The following TNFSF4 variants were observed in gnomAD, a reference collection of about 807,000 sequenced individuals.
TNFSF4 encodes tumor necrosis factor ligand superfamily member 4.
A neutral mutation model predicts 7.3 loss-of-function variants in TNFSF4; 4 were observed. That is an observed-to-expected ratio of 0.55 (90% confidence interval 0.27 to 1.25). The LOEUF (loss-of-function observed/expected upper bound fraction) is 1.25, where lower values mean the gene tolerates loss of function less well. Ranked by LOEUF, TNFSF4 falls within the 50% of genes most tolerant of loss-of-function variation. TNFSF4 has a pLI of 0.12. For missense variants in TNFSF4, 181 were observed against 208.8 expected, an observed-to-expected ratio of 0.87 and a Z score of 0.82; for synonymous variants, 76 against 83.7, an observed-to-expected ratio of 0.91 and a Z score of 0.50.
At chr1:173,324,809 A>G in the TNFSF4 span, among the ~76,000 whole-genome samples, 12 of 152,194 alleles carry the variant, frequency 7.9e-5, no homozygotes, top group East Asian at 1.9e-4. Flanking sequence ...AACAAGAAGA[A>G]CTAACTATCC....
the TNFSF4 span, among the ~76,000 whole-genome samples, chr1:173,403,911 A>C: frequency 6.6e-6 from 1 of 152,214 alleles, no homozygotes; most frequent in Non-Finnish European, 1.5e-5. Flanking sequence ...CAAAAAAAAA[A>C]AAAAGAGAGT....
chr1:173,266,638 A>G, the TNFSF4 span, among the ~76,000 whole-genome samples: 3 of 152,168 alleles, frequency 2.0e-5, no homozygotes. Context: ...TCTGGCATTC[A>G]CATGATTAGT....
At chr1:173,443,024 C>G in the TNFSF4 span, among the ~76,000 whole-genome samples, 2 of 152,140 alleles carry the variant, frequency 1.3e-5, no homozygotes, top group African/African-American at 2.4e-5. Flanking sequence ...ATATGTAAGT[C>G]TAACAGATCC....
the TNFSF4 span, among the ~76,000 whole-genome samples, chr1:173,328,522 A>G: frequency 6.6e-6 from 1 of 151,726 alleles, no homozygotes; most frequent in African/African-American, 2.4e-5. Context: ...AAATAAAAAA[A>G]TACAAAGTTT....
At chr1:173,264,845 C>A in the TNFSF4 span, among the ~76,000 whole-genome samples, 1 of 152,114 alleles carries the variant, frequency 6.6e-6, no homozygotes, top group East Asian at 1.9e-4. Context: ...AAGTGACTCT[C>A]CCTCAGGGAC....
At chr1:173,426,739 C>T in the TNFSF4 span, among the ~76,000 whole-genome samples, 2 of 152,140 alleles carry the variant, frequency 1.3e-5, no homozygotes, top group Non-Finnish European at 1.5e-5. Context: ...ACTACAGGTA[C>T]GCACCACCAC....
At chr1:173,333,766 T>A in the TNFSF4 span, among the ~76,000 whole-genome samples, 17 of 152,092 alleles carry the variant, frequency 1.1e-4, no homozygotes, top group African/African-American at 4.1e-4. Flanking sequence ...AACCACACAG[T>A]CTATGGTATT....
chr1:173,339,733 T>A, the TNFSF4 span, among the ~76,000 whole-genome samples: 1 of 152,176 alleles, frequency 6.6e-6, no homozygotes, highest in Admixed American at 6.6e-5. Context: ...CTGCTTTTCC[T>A]GGGAAATGGT....
chr1:173,372,023 T>C, the TNFSF4 span, among the ~76,000 whole-genome samples: 1 of 152,212 alleles, frequency 6.6e-6, no homozygotes, highest in African/African-American at 2.4e-5. Flanking sequence ...TGGCTACCAG[T>C]TCAGAAGCCT....
At chr1:173,378,620 T>A in the TNFSF4 span, among the ~76,000 whole-genome samples, 1 of 152,140 alleles carries the variant, frequency 6.6e-6, no homozygotes. Flanking sequence ...TACAATACTA[T>A]CCTGCAGCTT....
chr1:173,407,218 G>A, the TNFSF4 span, among the ~76,000 whole-genome samples: 2 of 152,000 alleles, frequency 1.3e-5, no homozygotes, highest in Non-Finnish European at 2.9e-5. Context: ...AGCACAGTCC[G>A]TGTGGAGTGT....
At chr1:173,296,790 A>G in the TNFSF4 span, among the ~76,000 whole-genome samples, 1 of 151,948 alleles carries the variant, frequency 6.6e-6, no homozygotes, top group South Asian at 2.1e-4. Context: ...CTTCCCCTAT[A>G]GCAGAAGATT....
the TNFSF4 span, chr1:173,418,031 T>G: frequency 1.3e-5 from 2 of 152,036 alleles, no homozygotes; most frequent in East Asian, 3.9e-4. Flanking sequence ...GCCCCTCTTC[T>G]GAGCTCCCAG....
the TNFSF4 span, among the ~76,000 whole-genome samples, chr1:173,256,536 A>G: frequency 1.3e-5 from 2 of 152,300 alleles, no homozygotes; most frequent in Non-Finnish European, 2.9e-5. Context: ...TAGGGCTTCA[A>G]CACATGAATT....
the TNFSF4 span, among the ~76,000 whole-genome samples, chr1:173,248,608 G>A: frequency 1.3e-5 from 2 of 152,284 alleles, no homozygotes; most frequent in African/African-American, 4.8e-5. Flanking sequence ...ATGGGAGAGA[G>A]ACCTTTTCAA....
the TNFSF4 span, among the ~76,000 whole-genome samples, chr1:173,376,017 G>A: frequency 6.6e-6 from 1 of 152,072 alleles, no homozygotes; most frequent in African/African-American, 2.4e-5. Context: ...TGGTCCCTCT[G>A]GCTTTCTGTT....
the TNFSF4 span, among the ~76,000 whole-genome samples, chr1:173,368,226 C>A: frequency 2.6e-5 from 4 of 152,142 alleles, no homozygotes; most frequent in African/African-American, 9.7e-5. Context: ...CCCTTCCACA[C>A]TGTGGAAGCT....
intron 1 of TNFSF4, among the ~76,000 whole-genome samples, chr1:173,204,838 T>A (rs1384843345): frequency 6.6e-6 from 1 of 152,048 alleles, no homozygotes; most frequent in Non-Finnish European, 1.5e-5. Flanking sequence ...TGTCAGCAGC[T>A]GCTCTACAAT....
At chr1:173,354,855 C>G in the TNFSF4 span, among the ~76,000 whole-genome samples, 1 of 152,200 alleles carries the variant, frequency 6.6e-6, no homozygotes, top group South Asian at 2.1e-4. Context: ...TCCTGGCTCA[C>G]AAATGATGCT....
Sources: gnomAD v4.1 joint callset for allele counts (sites outside exome capture counted in the v4.1 genomes callset) on GRCh38, gnomAD v4.1.1 for gene constraint, MANE v1.5 for transcripts, NCBI Gene and HGNC (gene_info 2026-07-23, HGNC 2026-07-21) for gene names.